The following RHOJ variants were observed in gnomAD, a reference collection of about 807,000 sequenced individuals.
RHOJ encodes rho-related GTP-binding protein RhoJ.
In RHOJ, 11 loss-of-function variants were observed where a neutral mutation model predicts 23.4. The observed-to-expected ratio is 0.47, with a 90% CI of 0.30 to 0.78. The LOEUF is 0.78. RHOJ is among the 30% of genes least tolerant of loss of function. RHOJ has a pLI of 0.08. For synonymous variants in RHOJ, 102 were observed against 102.7 expected (o/e 0.99, Z 0.04); for missense variants, 254 against 273.4 (o/e 0.93, Z 0.50).
intron 1 of RHOJ, among the ~76,000 whole-genome samples, chr14:63,232,349 A>G (rs971413031): frequency 3.9e-5 from 6 of 152,194 alleles, no homozygotes; most frequent in Admixed American, 3.3e-4. Flanking sequence ...TGCTGATCCA[A>G]TATAATCTGA....
At chr14:63,288,949 G>A (rs1300526083) in intron 4 of RHOJ, among the ~76,000 whole-genome samples, 2 of 152,168 alleles carry the variant, frequency 1.3e-5, no homozygotes, top group African/African-American at 2.4e-5. Context: ...CTGAGTGATA[G>A]GGGTCACAGT....
chr14:63,230,927 G>A lies in RHOJ; in HGVS notation c.178+25880G>A, dbSNP rs576704511. ...GTGATCTCAGCTCACTGCAACCTCC[G>A]CCTCCTGGGTTCAAGCAACTGTGTG... On this transcript the variant is annotated intron_variant, in intron 1 of 4. Transcript: ENST00000316754. Among the ~76,000 whole-genome samples the A allele has an allele frequency of 2.2e-4, 31 of 142,762 alleles. No homozygotes were observed. The East Asian group carries it at 5.6e-3, about 26-fold the overall frequency. The allele number at this position is 142,762 out of a possible 152,430, so 93.7% of individuals were successfully genotyped here.
intron 1 of RHOJ, among the ~76,000 whole-genome samples, chr14:63,220,825 T>C (rs1428919369): frequency 6.6e-6 from 1 of 152,194 alleles, no homozygotes; most frequent in Non-Finnish European, 1.5e-5. Context: ...TAACTTGACT[T>C]CCCAAACTCC....
At chr14:63,268,644 T>C (rs1241260200) in intron 1 of RHOJ, among the ~76,000 whole-genome samples, 2 of 152,228 alleles carry the variant, frequency 1.3e-5, no homozygotes, top group Non-Finnish European at 2.9e-5. Flanking sequence ...GATAATATTC[T>C]TTGTTTTTAG....
At chr14:63,207,330 A>G (rs1894135409) in intron 1 of RHOJ, among the ~76,000 whole-genome samples, 1 of 152,116 alleles carries the variant, frequency 6.6e-6, no homozygotes, top group Non-Finnish European at 1.5e-5. Context: ...GCGCCCAACC[A>G]GAAGTGGTCA....
At chr14:63,218,868 G>T in intron 1 of RHOJ, among the ~76,000 whole-genome samples, 1 of 152,280 alleles carries the variant, frequency 6.6e-6, no homozygotes, top group African/African-American at 2.4e-5. Flanking sequence ...AGAAGAAATG[G>T]CTTTGTGTCA....
At chr14:63,249,715 T>C (rs930256032) in intron 1 of RHOJ, among the ~76,000 whole-genome samples, 11 of 152,200 alleles carry the variant, frequency 7.2e-5, no homozygotes, top group African/African-American at 2.7e-4. Flanking sequence ...TTATACCTCA[T>C]CAATCTAATG....
chr14:63,210,795 G>C (rs1416797355), intron 1 of RHOJ, among the ~76,000 whole-genome samples: 2 of 152,196 alleles, frequency 1.3e-5, no homozygotes, highest in African/African-American at 2.4e-5. Flanking sequence ...TTATATGTCG[G>C]GGTACATAGG....
intron 1 of RHOJ, among the ~76,000 whole-genome samples, chr14:63,222,640 T>C (rs887729253): frequency 6.6e-6 from 1 of 152,246 alleles, no homozygotes; most frequent in Admixed American, 6.5e-5. Flanking sequence ...GAAGCGTCTG[T>C]TCATATCCTT....
At chr14:63,249,884 A>G (rs1414229428) in intron 1 of RHOJ, among the ~76,000 whole-genome samples, 2 of 152,224 alleles carry the variant, frequency 1.3e-5, no homozygotes, top group Non-Finnish European at 2.9e-5. Flanking sequence ...TCTTAGTAGA[A>G]CCACGTTAGA....
At chr14:63,248,385 C>A (rs757751407) in intron 1 of RHOJ, among the ~76,000 whole-genome samples, 7 of 152,208 alleles carry the variant, frequency 4.6e-5, no homozygotes, top group Admixed American at 4.6e-4. Context: ...TCCCTAGATA[C>A]CAGTGTTATG....
chr14:63,293,035 A>G lies in RHOJ; in HGVS notation c.*2011A>G, dbSNP rs1882299598. The G allele has an allele frequency of 6.6e-6, 1 of 151,740 alleles. No homozygotes were observed. The highest frequency in any genetic ancestry group is 6.6e-5 in the Admixed American group (1 of 15,228). 9.4% of individuals were successfully genotyped at this position (151,740 alleles called of 1,614,324 possible). Reference sequence around the variant, plus strand: ...TAAAGATTTTCTTTCATACGCACACACTCCAGTGACTGGAAAAACGGGAGT... The same window carrying G: ...TAAAGATTTTCTTTCATACGCACACGCTCCAGTGACTGGAAAAACGGGAGT... On this transcript the variant is annotated 3_prime_UTR_variant, in exon 5 of 5. Coordinates refer to ENST00000316754, the MANE Select transcript of RHOJ (RefSeq NM_020663.5).
chr14:63,265,686 A>T (rs752529075), intron 1 of RHOJ, among the ~76,000 whole-genome samples: 2 of 152,248 alleles, frequency 1.3e-5, no homozygotes, highest in Non-Finnish European at 2.9e-5. Flanking sequence ...CATGTCCCCA[A>T]GATGGTTGGT....
intron 1 of RHOJ, among the ~76,000 whole-genome samples, chr14:63,233,212 C>T (rs778009193): frequency 1.2e-4 from 18 of 151,952 alleles, no homozygotes; most frequent in African/African-American, 3.9e-4. Flanking sequence ...TTTGAGCTCA[C>T]GAAATAAGTA....
intron 1 of RHOJ, among the ~76,000 whole-genome samples, chr14:63,264,257 G>A (rs1007127232): frequency 6.6e-6 from 1 of 152,126 alleles, no homozygotes; most frequent in African/African-American, 2.4e-5. Flanking sequence ...TCCCACTTAT[G>A]AGAACATGCA....
chr14:63,281,862 T>C (rs1414398219), intron 3 of RHOJ, among the ~76,000 whole-genome samples: 2 of 152,220 alleles, frequency 1.3e-5, no homozygotes, highest in Non-Finnish European at 2.9e-5. Context: ...CCCAAAGACA[T>C]AGGAATATAC....
intron 1 of RHOJ, among the ~76,000 whole-genome samples, chr14:63,225,077 G>C (rs927229150): frequency 6.7e-6 from 1 of 149,392 alleles, no homozygotes; most frequent in Non-Finnish European, 1.5e-5. Flanking sequence ...TCAGCCTCCC[G>C]AGTAGCTGGG....
intron 2 of RHOJ, among the ~76,000 whole-genome samples, chr14:63,278,132 G>C (rs183357388): frequency 6.6e-6 from 1 of 151,840 alleles, no homozygotes; most frequent in Admixed American, 6.5e-5. Flanking sequence ...AGCCACAATA[G>C]TGGGGGTTTT....
At chr14:63,210,633 T>C (rs1894215356) in intron 1 of RHOJ, among the ~76,000 whole-genome samples, 1 of 152,218 alleles carries the variant, frequency 6.6e-6, no homozygotes, top group Admixed American at 6.5e-5. Flanking sequence ...ATTGCATTTC[T>C]TCCCCCATCC....
Sources: gnomAD v4.1 joint callset for allele counts (sites outside exome capture counted in the v4.1 genomes callset) on GRCh38, gnomAD v4.1.1 for gene constraint, MANE v1.5 for transcripts, NCBI Gene and HGNC (gene_info 2026-07-23, HGNC 2026-07-21) for gene names.